Variants in TSHZ3 observed in about 807,000 individuals in gnomAD.
The protein encoded by TSHZ3 is teashirt homolog 3.
In TSHZ3, 10 loss-of-function variants were observed where a neutral mutation model predicts 64.5. The ratio of observed to expected loss-of-function variants is 0.16; its 90% CI spans 0.10 to 0.26. The LOEUF is 0.26. TSHZ3 is among the 10% of genes least tolerant of loss of function. The pLI, the probability that TSHZ3 is intolerant of heterozygous loss-of-function variation, is 1.00. For missense variants in TSHZ3, 1,242 were observed against 1,421.7 expected, an observed-to-expected ratio of 0.87 and a Z score of 2.03; for synonymous variants, 608 against 593.1, an observed-to-expected ratio of 1.03 and a Z score of -0.36.
At chr19:31,339,648 T>C (rs904853668) in intron 1 of TSHZ3, among the ~76,000 whole-genome samples, 3 of 152,138 alleles carry the variant, frequency 2.0e-5, no homozygotes, top group African/African-American at 7.2e-5. Context: ...ATCGACTGTT[T>C]GGCATGGTGC....
intron 1 of TSHZ3, among the ~76,000 whole-genome samples, chr19:31,263,444 GC>G (rs34001227): frequency 0.33 from 50,646 of 152,138 alleles, 9,987 homozygotes; most frequent in Non-Finnish European, 0.44. Flanking sequence ...GCCCACGGCT[GC>G]CCCCCAGCAG....
intron 5 of TSHZ3, among the ~76,000 whole-genome samples, chr19:31,200,009 G>A (rs1028788010): frequency 1.3e-5 from 2 of 151,686 alleles, no homozygotes; most frequent in African/African-American, 4.9e-5. Flanking sequence ...AATTGGAGCA[G>A]CAATTACATA....
At chr19:31,245,075 G>A (rs1274987840) in intron 1 of TSHZ3, among the ~76,000 whole-genome samples, 1 of 152,050 alleles carries the variant, frequency 6.6e-6, no homozygotes, top group Non-Finnish European at 1.5e-5. Context: ...TATTATCTCT[G>A]GATGATAGTG....
intron 1 of TSHZ3, among the ~76,000 whole-genome samples, chr19:31,321,160 T>A (rs1332045821): frequency 6.6e-6 from 1 of 152,206 alleles, no homozygotes; most frequent in Non-Finnish European, 1.5e-5. Context: ...TTTTCCAGCA[T>A]CCCTTTCCAC....
intron 1 of TSHZ3, among the ~76,000 whole-genome samples, chr19:31,255,283 T>C (rs1454248294): frequency 6.6e-6 from 1 of 152,096 alleles, no homozygotes; most frequent in East Asian, 1.9e-4. Context: ...CTCTGCTTGC[T>C]ACCCTCTGCA....
rs183926286 is a variant in TSHZ3, at chr19:31,268,206, T to G, written n.64-25331A>C. Among the ~76,000 whole-genome samples, 253 of 152,298 alleles carry G rather than the reference T, an allele frequency of 1.7e-3. 2 individuals are homozygous for G. Among genetic ancestry groups the G allele is most frequent in the African/African-American group, 5.7e-3 (237 of 41,558 alleles). Reference sequence around the variant, plus strand: ...TGGCCGTGAGACCTCCCCAACCATGTGGAACTGTGAGTCCATTAAACCTCT... The same window carrying G: ...TGGCCGTGAGACCTCCCCAACCATGGGGAACTGTGAGTCCATTAAACCTCT... On this transcript the variant is annotated intron_variant and non_coding_transcript_variant, in intron 1 of 6. Transcript: ENST00000651361.
intron 5 of TSHZ3, among the ~76,000 whole-genome samples, chr19:31,161,954 C>A (rs1214924292): frequency 1.3e-5 from 2 of 152,198 alleles, no homozygotes; most frequent in African/African-American, 2.4e-5. Context: ...ATATTCCTGA[C>A]CCCCGCCATC....
intron 1 of TSHZ3, among the ~76,000 whole-genome samples, chr19:31,261,851 G>A (rs920765601): frequency 2.0e-5 from 3 of 152,178 alleles, no homozygotes; most frequent in South Asian, 2.1e-4. Flanking sequence ...ATAGAGAGAT[G>A]TTAAGCCATC....
chr19:31,248,637 A>G (rs1975790081), intron 1 of TSHZ3, among the ~76,000 whole-genome samples: 1 of 146,600 alleles, frequency 6.8e-6, no homozygotes, highest in African/African-American at 2.6e-5. Context: ...AAAAAGTTTA[A>G]AAGACTAGCA....
rs973200334 is a variant in TSHZ3, at chr19:31,276,696, G to A, written c.3097C>T (p.Pro1033Ser). ...TAGGAAGTCCCCAGGTCTTCCTCGG[G>A]GGAGGACGTCACCATTTTTTCTGAC... ...SPSEKMVTSSPEEDLGTSYQC... is the reference protein window; with the variant it reads ...SPSEKMVTSSSEEDLGTSYQC... Residue 1033 changes from proline (P) to serine (S), a missense_variant, in exon 2 of 2, where the codon CCC (proline) becomes TCC (serine). Coordinates refer to ENST00000240587, the MANE Select transcript of TSHZ3 (RefSeq NM_020856.4). 1.9e-6 allele frequency: 3 copies of A among 1,613,672 alleles called. No individual in the cohort carries two copies. The highest frequency in any genetic ancestry group is 4.5e-5 in the East Asian group (2 of 44,876).
chr19:31,158,058 A>G (rs1208680046), intron 5 of TSHZ3, among the ~76,000 whole-genome samples: 4 of 152,206 alleles, frequency 2.6e-5, no homozygotes, highest in Admixed American at 2.6e-4. Flanking sequence ...GGGATTGAGG[A>G]CAAAACTATA....
At chr19:31,229,122 G>A (rs1035903327) in intron 3 of TSHZ3, among the ~76,000 whole-genome samples, 3 of 152,186 alleles carry the variant, frequency 2.0e-5, no homozygotes, top group Non-Finnish European at 2.9e-5. Context: ...AACATTGTAA[G>A]GGGGCCATTG....
At chr19:31,161,644 C>T (rs1336346902) in intron 5 of TSHZ3, among the ~76,000 whole-genome samples, 1 of 152,214 alleles carries the variant, frequency 6.6e-6, no homozygotes, top group African/African-American at 2.4e-5. Context: ...GTCACCCTTC[C>T]CCTCAGTAAC....
At chr19:31,184,323 A>G (rs148608202) in intron 5 of TSHZ3, among the ~76,000 whole-genome samples, 1 of 152,340 alleles carries the variant, frequency 6.6e-6, no homozygotes, top group African/African-American at 2.4e-5. Flanking sequence ...AAACTGCGAG[A>G]TTAAATAGAG....
chr19:31,191,725 G>A (rs547897338), intron 5 of TSHZ3, among the ~76,000 whole-genome samples: 8 of 151,910 alleles, frequency 5.3e-5, no homozygotes, highest in Non-Finnish European at 1.2e-4. Context: ...CGGGCATGGT[G>A]GCACGTGGCT....
At chr19:31,214,701 A>G (rs571684344) in intron 4 of TSHZ3, among the ~76,000 whole-genome samples, 44 of 151,886 alleles carry the variant, frequency 2.9e-4, no homozygotes, top group Non-Finnish European at 6.0e-4. Context: ...GAGGCCAGGA[A>G]ATCGAGACCA....
intron 5 of TSHZ3, among the ~76,000 whole-genome samples, chr19:31,164,183 A>C (rs1974410976): frequency 6.6e-6 from 1 of 152,074 alleles, no homozygotes; most frequent in African/African-American, 2.4e-5. Context: ...AGAGAACGAG[A>C]CCAGCCAGGT....
At chr19:31,247,874 A>G (rs112583049) in intron 1 of TSHZ3, among the ~76,000 whole-genome samples, 9 of 148,792 alleles carry the variant, frequency 6.0e-5, no homozygotes, top group Non-Finnish European at 8.9e-5. Context: ...GTGTGTGTGT[A>G]TGTATGTATG....
intron 5 of TSHZ3, among the ~76,000 whole-genome samples, chr19:31,195,983 A>G (rs918418585): frequency 2.0e-5 from 3 of 151,996 alleles, no homozygotes; most frequent in Non-Finnish European, 2.9e-5. Flanking sequence ...TAGGCTATTT[A>G]TTATAGCTTA....
Sources: gnomAD v4.1 joint callset for allele counts (sites outside exome capture counted in the v4.1 genomes callset) on GRCh38, gnomAD v4.1.1 for gene constraint, MANE v1.5 for transcripts, NCBI Gene and HGNC (gene_info 2026-07-23, HGNC 2026-07-21) for gene names.